ADIPOR2: variants seen among roughly 807,000 people sequenced by gnomAD.
The protein encoded by ADIPOR2 is adiponectin receptor 2.
Under a neutral mutation model 40.9 loss-of-function variants are expected in ADIPOR2, and 18 were observed. The observed-to-expected ratio is 0.44, with a 90% CI of 0.30 to 0.65. The LOEUF (loss-of-function observed/expected upper bound fraction) is 0.65. Among genes scored for constraint, ADIPOR2 ranks in the 30% least tolerant of loss-of-function variants. ADIPOR2 has a pLI of 0.09. For synonymous variants in ADIPOR2, 165 were observed against 166.4 expected, an observed-to-expected ratio of 0.99 and a Z score of 0.06; for missense variants, 283 against 479.2, an observed-to-expected ratio of 0.59 and a Z score of 3.82.
At position 1,782,976 on chromosome 12, in the gene ADIPOR2, CTTTTT is replaced by C. The variant is rs71055199; in HGVS notation, c.839-882_839-878del. Among the ~76,000 whole-genome samples the C allele has an allele frequency of 8.2e-5, 9 of 109,754 alleles. No individual in the cohort carries two copies. The East Asian group carries it at 1.1e-3, about 13-fold the overall frequency. The allele number at this position is 109,754 out of a possible 152,430, so 72.0% of individuals were successfully genotyped here. On this transcript the variant is annotated intron_variant, in intron 6 of 7. Coordinates refer to ENST00000357103, the MANE Select transcript of ADIPOR2 (RefSeq NM_024551.3). The stretch of plus-strand genomic sequence containing the variant: ...TTCTTTTCTTTTTCTTTCTTTCTTT[CTTTTT>C]TTTTTTTTTTTTTTTTTTTTTGAGA...
chr12:1,786,065 C>T lies in ADIPOR2; in HGVS notation c.1154C>T (p.Ala385Val), dbSNP rs747784888. 1 of 1,613,710 alleles carries T rather than the reference C, an allele frequency of 6.2e-7. No individual in the cohort carries two copies. The highest frequency in any genetic ancestry group is 8.5e-7 in the Non-Finnish European group (1 of 1,179,956). The change falls in exon 8 of 8, where the codon GCA becomes GTA. Residue 385 changes from alanine (A) to valine (V), a missense_variant. This residue lies in a region of ADIPOR2 where 106 missense variants were observed against 149.7 expected (regional missense o/e 0.71). Transcript: ENST00000357103. The stretch of plus-strand genomic sequence containing the variant: ...GGCGGGGGCTGCAGTGAAGAGGATG[C>T]ACTGTGATACCTACCAGTCTCCAGG... ...MIGGGCSEEDAL is the reference protein window; with the variant it reads ...MIGGGCSEEDVL
In ADIPOR2 at chr12:1,785,968, A is replaced by G. The variant is rs1226420097; in HGVS notation, c.1057A>G (p.Ile353Val). ...GTTTCACTCTCATCAGCTGTTTCAT[A>G]TCTTTGTGGTTGCTGGAGCTTTTGT... ...IWFHSHQLFH[I>V]FVVAGAFVHF... The change falls in exon 8 of 8, where the codon ATC (isoleucine) becomes GTC (valine). Residue 353 changes from isoleucine to valine, a missense_variant. Physicochemically the swap from Ile to Val is conservative, Grantham distance 29. This residue lies in a region of ADIPOR2 where 106 missense variants were observed against 149.7 expected (regional missense o/e 0.71). Transcript: ENST00000357103. 2.5e-6 allele frequency: 4 copies of G among 1,613,924 alleles called. No homozygotes were observed. The highest frequency in any genetic ancestry group is 2.2e-5 in the East Asian group (1 of 44,874).
In ADIPOR2 at chr12:1,780,446, C is replaced by A; in HGVS notation, c.464-5C>A. ...TTTATCTATTTTCTGTGCTCTTTTT[C>A]CTAGGTTGTGTATTCTTCCTGTGCC... On this transcript the variant is annotated splice_region_variant and splice_polypyrimidine_tract_variant and intron_variant, in intron 4 of 7. Transcript: ENST00000357103. 6.3e-7 allele frequency: 1 copy of A among 1,591,772 alleles called. No homozygotes were observed.
chr12:1,740,341 C>A (rs1040096671), intron 1 of ADIPOR2, among the ~76,000 whole-genome samples: 1 of 152,180 alleles, frequency 6.6e-6, no homozygotes, highest in African/African-American at 2.4e-5. Context: ...GCTAGAGTTT[C>A]AAGATCAACA....
At position 1,777,382 on chromosome 12, in the gene ADIPOR2, CTTTTTTTTT is replaced by C. The variant is rs59141974; in HGVS notation, c.292-459_292-451del. ...CCACTTAAAAGTATATTTTTTCTTT[CTTTTTTTTT>C]TTTTTTTTTTTTGAGGCAGAGTTTT... is the stretch of plus-strand genomic sequence containing the variant. On this transcript the variant is annotated intron_variant, in intron 3 of 7. Coordinates refer to ENST00000357103, the MANE Select transcript of ADIPOR2 (RefSeq NM_024551.3). 8.1e-5 allele frequency among the ~76,000 whole-genome samples: 8 copies of C among 98,728 alleles called. No individual in the cohort carries two copies. The South Asian group carries it at 2.0e-3, about 25-fold the overall frequency. The allele number at this position is 98,728 out of a possible 152,430, so 64.8% of individuals were successfully genotyped here.
chr12:1,715,223 C>T (rs1456349381), intron 1 of ADIPOR2, among the ~76,000 whole-genome samples: 1 of 152,074 alleles, frequency 6.6e-6, no homozygotes, highest in Admixed American at 6.6e-5. Context: ...AAAGCTTGGA[C>T]ATAAGGTATT....
rs748587883 is a variant in ADIPOR2, at chr12:1,780,435, G to C, written c.464-16G>C. 1 of 1,580,562 alleles carries C rather than the reference G, an allele frequency of 6.3e-7. No individual in the cohort carries two copies. Among genetic ancestry groups the C allele is most frequent in the South Asian group, 1.2e-5 (1 of 85,708 alleles). On this transcript the variant is annotated splice_polypyrimidine_tract_variant and intron_variant, in intron 4 of 7. Transcript: ENST00000357103. ...AAGGGTGATATTTTATCTATTTTCT[G>C]TGCTCTTTTTCCTAGGTTGTGTATT...
At chr12:1,770,566 G>A (rs1308449738) in intron 2 of ADIPOR2, among the ~76,000 whole-genome samples, 4 of 151,814 alleles carry the variant, frequency 2.6e-5, no homozygotes, top group South Asian at 4.2e-4. Context: ...TTTTAATTTC[G>A]TGTTTAATTA....
At chr12:1,696,922 C>T (rs2094640250) in intron 1 of ADIPOR2, 1 of 153,006 alleles carries the variant, frequency 6.5e-6, no homozygotes, top group African/African-American at 2.4e-5. Context: ...CATGTCTTCC[C>T]TAAAGTTCTT....
intron 1 of ADIPOR2, among the ~76,000 whole-genome samples, chr12:1,747,530 T>TG (rs2094758308): frequency 6.6e-6 from 1 of 152,062 alleles, no homozygotes; most frequent in South Asian, 2.1e-4. Flanking sequence ...CGGTGGTGGG[T>TG]GGTACGTGGA....
chr12:1,750,877 G>A (rs771275041), intron 1 of ADIPOR2, among the ~76,000 whole-genome samples: 2 of 151,896 alleles, frequency 1.3e-5, no homozygotes, highest in African/African-American at 2.4e-5. Flanking sequence ...CATATAATCT[G>A]CAAATAGTTA....
At chr12:1,777,448 G>A (rs556631765) in intron 3 of ADIPOR2, among the ~76,000 whole-genome samples, 9 of 138,346 alleles carry the variant, frequency 6.5e-5, no homozygotes, top group Admixed American at 3.9e-4. Flanking sequence ...GTGCAATGGC[G>A]TCATCTCAGC....
chr12:1,741,704 C>G (rs913349255), intron 1 of ADIPOR2, among the ~76,000 whole-genome samples: 1 of 152,082 alleles, frequency 6.6e-6, no homozygotes, highest in Non-Finnish European at 1.5e-5. Flanking sequence ...TAGAGAATGC[C>G]TTTGGGACAC....
chr12:1,773,626 G>C (rs1213995701), intron 3 of ADIPOR2, among the ~76,000 whole-genome samples: 3 of 151,648 alleles, frequency 2.0e-5, no homozygotes, highest in Admixed American at 2.0e-4. Context: ...GATCAATAAG[G>C]GCCCTGGCAG....
Position 1,786,174 on chromosome 12 carries a change from T to A in ADIPOR2, c.*102T>A. 6.8e-7 allele frequency: 1 copy of A among 1,475,506 alleles called. No individual in the cohort carries two copies. The highest frequency in any genetic ancestry group is 9.1e-7 in the Non-Finnish European group (1 of 1,097,126). 91.4% of individuals were successfully genotyped at this position (1,475,506 alleles called of 1,614,324 possible). A position where few individuals can be genotyped will look rare whatever the true frequency, so the allele number is the denominator to read the frequency against. ...GCCAGTACCAGAGGAGCCCCAAAACTTTGACAGCCTCGTGGGCTTTGTGAC... is the reference window on the plus strand; with the variant it reads ...GCCAGTACCAGAGGAGCCCCAAAACATTGACAGCCTCGTGGGCTTTGTGAC... On this transcript the variant is annotated 3_prime_UTR_variant, in exon 8 of 8. Transcript: ENST00000357103.
rs1187677941 is a variant in ADIPOR2 at position 1,747,923 on chromosome 12, T to TA, written c.-86-6331dup. Among the ~76,000 whole-genome samples the TA allele has an allele frequency of 9.2e-5, 14 of 152,174 alleles. 1 individual carries two copies. Among genetic ancestry groups the TA allele is most frequent in the African/African-American group, 3.4e-4 (14 of 41,454 alleles). ...TGGATGTCCTTGCCTTTCTCTGAGT[T>TA]AAAATACATTGAGTTTCCTGGATGT... On this transcript the variant is annotated intron_variant, in intron 1 of 7. Coordinates refer to ENST00000357103, the MANE Select transcript of ADIPOR2 (RefSeq NM_024551.3).
intron 6 of ADIPOR2, among the ~76,000 whole-genome samples, chr12:1,781,359 A>G (rs1862716105): frequency 6.6e-6 from 1 of 152,180 alleles, no homozygotes; most frequent in South Asian, 2.1e-4. Context: ...TTATGGCTAA[A>G]CACCATCCAG....
intron 1 of ADIPOR2, among the ~76,000 whole-genome samples, chr12:1,720,569 G>C (rs952499328): frequency 2.0e-5 from 3 of 152,154 alleles, no homozygotes; most frequent in African/African-American, 7.2e-5. Flanking sequence ...CATAAGGAGC[G>C]TGCAACCTAG....
intron 2 of ADIPOR2, among the ~76,000 whole-genome samples, chr12:1,763,376 G>A (rs568697807): frequency 2.3e-4 from 35 of 152,282 alleles, no homozygotes; most frequent in African/African-American, 8.2e-4. Context: ...TTCTTCTTTT[G>A]TAAATGCAGT....
Sources: gnomAD v4.1 joint callset for allele counts (sites outside exome capture counted in the v4.1 genomes callset) on GRCh38, gnomAD v4.1.1 for gene constraint, gnomAD v4.1.1 regional missense constraint, MANE v1.5 for transcripts, NCBI Gene and HGNC (gene_info 2026-07-23, HGNC 2026-07-21) for gene names.